The following MARCHF1 variants were observed in gnomAD, a reference collection of about 807,000 sequenced individuals.
The protein encoded by MARCHF1 is membrane associated ring-CH-type finger 1.
Under a neutral mutation model 54.2 loss-of-function variants are expected in MARCHF1, and 40 were observed. The observed-to-expected ratio is 0.74, with a 90% confidence interval of 0.57 to 0.96. MARCHF1 has a LOEUF of 0.96. MARCHF1 is among the 40% of genes least tolerant of loss of function. The pLI is 0.00. For synonymous variants in MARCHF1, 236 were observed against 236.3 expected (o/e 1.00, Z 0.01); for missense variants, 586 against 656.5 (o/e 0.89, Z 1.17).
intron 3 of MARCHF1, among the ~76,000 whole-genome samples, chr4:163,882,923 G>A (rs1385239451): frequency 6.6e-6 from 1 of 152,120 alleles, no homozygotes; most frequent in Admixed American, 6.6e-5. Context: ...GCTACAGTGA[G>A]CCATTATCAG....
At chr4:164,256,308 C>T (rs1733278096) in intron 1 of MARCHF1, among the ~76,000 whole-genome samples, 1 of 150,696 alleles carries the variant, frequency 6.6e-6, no homozygotes, top group Admixed American at 6.6e-5. Flanking sequence ...GAAATGATAT[C>T]ACTGTTTTCC....
intron 4 of MARCHF1, among the ~76,000 whole-genome samples, 155 bp downstream of exon 4, chr4:163,853,866 T>C (rs1749700814): frequency 6.6e-6 from 1 of 152,228 alleles, no homozygotes; most frequent in Non-Finnish European, 1.5e-5. Flanking sequence ...ATTAGTTTAC[T>C]AACTAACCAA....
At position 163,526,394 on chromosome 4, in the gene MARCHF1, T is replaced by C. The variant is rs1180749512; in HGVS notation, c.*2354A>G. On this transcript the variant is annotated 3_prime_UTR_variant, in exon 10 of 10. Transcript: ENST00000514618. Reference sequence around the variant, plus strand: ...AGAGCAAACAAAAGAGAAATCAACATTTCTTTGTTTGCTGGTGTCTGGATG... The same window carrying C: ...AGAGCAAACAAAAGAGAAATCAACACTTCTTTGTTTGCTGGTGTCTGGATG... 6.6e-6 allele frequency: 1 copy of C among 152,034 alleles called. No individual in the cohort carries two copies. The highest frequency in any genetic ancestry group is 2.4e-5 in the African/African-American group (1 of 41,422). The allele number at this position is 152,034 out of a possible 1,614,324, so 9.4% of individuals were successfully genotyped here. A position where few individuals can be genotyped will look rare whatever the true frequency, so the allele number is the denominator to read the frequency against.
chr4:163,817,992 A>G (rs1044032719), intron 4 of MARCHF1, among the ~76,000 whole-genome samples: 3 of 148,190 alleles, frequency 2.0e-5, no homozygotes, highest in Admixed American at 1.3e-4. Flanking sequence ...GGATAGCATT[A>G]GGAGATATAC....
chr4:163,852,824 A>T (rs1250313710), intron 4 of MARCHF1, among the ~76,000 whole-genome samples: 1 of 152,162 alleles, frequency 6.6e-6, no homozygotes, highest in East Asian at 1.9e-4. Flanking sequence ...TATCCTCCCA[A>T]AATTCATGTC....
chr4:164,004,968 A>G (rs939672790), intron 2 of MARCHF1, among the ~76,000 whole-genome samples: 11 of 152,064 alleles, frequency 7.2e-5, no homozygotes, highest in African/African-American at 1.4e-4. Context: ...AAGGTCAATA[A>G]AAGAAAGGAA....
chr4:163,544,801 A>C (rs1738841277), intron 9 of MARCHF1, among the ~76,000 whole-genome samples: 2 of 152,186 alleles, frequency 1.3e-5, no homozygotes, highest in African/African-American at 2.4e-5. Flanking sequence ...AAATGTTACT[A>C]TCTGAACAAT....
chr4:163,986,391 A>G (rs1201680947), intron 3 of MARCHF1, among the ~76,000 whole-genome samples: 1 of 150,672 alleles, frequency 6.6e-6, no homozygotes, highest in African/African-American at 2.4e-5. Flanking sequence ...CAGCCTCCTG[A>G]GTAGCTGGGA....
At chr4:163,992,320 G>A (rs754793014) in intron 2 of MARCHF1, among the ~76,000 whole-genome samples, 20 of 152,028 alleles carry the variant, frequency 1.3e-4, no homozygotes, top group African/African-American at 1.9e-4. Context: ...CAAAGAGTTC[G>A]TTGTATCATT....
At chr4:164,081,224 A>C (rs1755093314) in intron 2 of MARCHF1, among the ~76,000 whole-genome samples, 1 of 146,402 alleles carries the variant, frequency 6.8e-6, no homozygotes, top group African/African-American at 2.5e-5. Flanking sequence ...AAAAAAAAAA[A>C]AAAAAAAAAA....
chr4:164,222,666 G>A (rs1308440986), intron 1 of MARCHF1, among the ~76,000 whole-genome samples: 1 of 151,788 alleles, frequency 6.6e-6, no homozygotes, highest in East Asian at 1.9e-4. Context: ...GAGAGAAAGA[G>A]CTCATTTATA....
chr4:163,730,437 A>G lies in MARCHF1; in HGVS notation c.112-29574T>C, dbSNP rs186684626. Among the ~76,000 whole-genome samples, 7 of 152,244 alleles carry G rather than the reference A, an allele frequency of 4.6e-5. No homozygotes were observed. The East Asian group carries it at 1.4e-3, about 29-fold the overall frequency. ...TTGTTTTTTCTTTAGAATGAGTCGTACTTTTTCATTTATTTTTATGCCTTC... is the reference window on the plus strand; with the variant it reads ...TTGTTTTTTCTTTAGAATGAGTCGTGCTTTTTCATTTATTTTTATGCCTTC... On this transcript the variant is annotated intron_variant, in intron 4 of 9. Coordinates refer to ENST00000514618, the MANE Select transcript of MARCHF1 (RefSeq NM_001394959.1).
At chr4:163,815,499 AAAAGT>A (rs1748509166) in intron 4 of MARCHF1, among the ~76,000 whole-genome samples, 1 of 152,166 alleles carries the variant, frequency 6.6e-6, no homozygotes. Flanking sequence ...TGCTACTGAT[AAAAGT>A]AAAGAGGCTC....
chr4:163,854,303 A>C (rs1316476651), intron 3 of MARCHF1, 134 bp from the exon 4 acceptor site: 11 of 615,628 alleles, frequency 1.8e-5, no homozygotes, highest in Non-Finnish European at 3.0e-5. Context: ...AGGGGTTACA[A>C]GGAGGAAAAG....
intron 2 of MARCHF1, among the ~76,000 whole-genome samples, chr4:164,078,969 G>C (rs1002820407): frequency 9.9e-5 from 15 of 151,922 alleles, no homozygotes; most frequent in African/African-American, 3.4e-4. Context: ...ACATGAGCCT[G>C]CTCTCTCAAA....
chr4:164,323,040 CTA>C (rs1321823430), intron 1 of MARCHF1, among the ~76,000 whole-genome samples: 1 of 151,788 alleles, frequency 6.6e-6, no homozygotes, highest in Non-Finnish European at 1.5e-5. Flanking sequence ...AAATTAATAG[CTA>C]TATATAGAAC....
chr4:164,155,421 C>A (rs1730051730), intron 1 of MARCHF1, among the ~76,000 whole-genome samples: 1 of 152,022 alleles, frequency 6.6e-6, no homozygotes, highest in Non-Finnish European at 1.5e-5. Context: ...TAAAATTCCA[C>A]TAACTTTACT....
At chr4:164,345,741 C>T (rs549253208) in intron 1 of MARCHF1, among the ~76,000 whole-genome samples, 1 of 152,042 alleles carries the variant, frequency 6.6e-6, no homozygotes, top group Admixed American at 6.6e-5. Flanking sequence ...TGGACCTTGG[C>T]TTCCCTACTA....
intron 4 of MARCHF1, among the ~76,000 whole-genome samples, chr4:163,808,027 T>C (rs1052067375): frequency 6.6e-6 from 1 of 152,220 alleles, no homozygotes; most frequent in African/African-American, 2.4e-5. Flanking sequence ...TTTTCTTGCC[T>C]CACTCCTACA....
Sources: allele counts gnomAD v4.1 joint callset (sites outside exome capture counted in the v4.1 genomes callset), GRCh38; gene constraint gnomAD v4.1.1; transcripts MANE v1.5; gene names NCBI Gene and HGNC (gene_info 2026-07-23, HGNC 2026-07-21).